The following TBC1D9 variants were observed in gnomAD, a reference collection of about 807,000 sequenced individuals.
TBC1D9 encodes the protein TBC1 domain family member 9A.
Under a neutral mutation model 132.0 loss-of-function variants are expected in TBC1D9, and 63 were observed. That is an observed-to-expected ratio of 0.48 (90% CI 0.39 to 0.59). TBC1D9 has a LOEUF of 0.59. Ranked by LOEUF, TBC1D9 falls within the 20% of genes least tolerant of loss-of-function variation. The probability of loss-of-function intolerance (pLI) is 0.00; values close to 1 mark genes in which losing one functional copy is unlikely to be tolerated. For missense variants in TBC1D9, 1,261 were observed against 1,592.7 expected (o/e 0.79, Z 3.54); for synonymous variants, 610 against 609.9 (o/e 1.00, Z 0.00).
chr4:140,707,178 TGTTA>T (rs1240916793), intron 1 of TBC1D9, among the ~76,000 whole-genome samples: 10 of 152,218 alleles, frequency 6.6e-5, no homozygotes, highest in Admixed American at 1.3e-4. Flanking sequence ...GGTACCTGTT[TGTTA>T]GTTAAATTTG....
chr4:140,756,148 C>T lies in TBC1D9; in HGVS notation c.-103G>A. On this transcript the variant is annotated 5_prime_UTR_variant, in exon 1 of 21. Transcript: ENST00000442267. This position sits in a 1 kb window ranked among gnomAD's most constrained non-coding sequence, Gnocchi z 5.6. ...TCCTGGGCACACGCGCGCCCGCCCG[C>T]CCGTCCGCTAGGTGCGGCGGCGGCG... 2 of 966,678 alleles carry T rather than the reference C, an allele frequency of 2.1e-6. No homozygotes were observed. The highest frequency in any genetic ancestry group is 1.7e-5 in the African/African-American group (1 of 58,546). 59.9% of individuals were successfully genotyped at this position (966,678 alleles called of 1,614,324 possible). A position where few individuals can be genotyped will look rare whatever the true frequency, so the allele number is the denominator to read the frequency against.
intron 15 of TBC1D9, 147 bp from the exon 16 acceptor site, chr4:140,634,335 C>G (rs1220016472): frequency 1.9e-6 from 2 of 1,074,410 alleles, no homozygotes; most frequent in African/African-American, 3.2e-5. Context: ...CCCTTGGTCT[C>G]TTAGTTCTAC....
chr4:140,648,229 C>T (rs1024786151), intron 13 of TBC1D9, among the ~76,000 whole-genome samples: 1 of 151,926 alleles, frequency 6.6e-6, no homozygotes, highest in African/African-American at 2.4e-5. Flanking sequence ...CACAATTATC[C>T]ATCTTTGTTT....
intron 1 of TBC1D9, among the ~76,000 whole-genome samples, chr4:140,742,058 C>T (rs1174867435): frequency 6.6e-6 from 1 of 152,098 alleles, no homozygotes; most frequent in Non-Finnish European, 1.5e-5. Flanking sequence ...ACTCAATGAC[C>T]CCGGGCACAT....
chr4:140,698,493 G>T (rs1022534787), intron 2 of TBC1D9, among the ~76,000 whole-genome samples: 1 of 152,174 alleles, frequency 6.6e-6, no homozygotes, highest in Non-Finnish European at 1.5e-5. Flanking sequence ...GCTCATGCCT[G>T]TAATCCCAGC....
At chr4:140,646,121 C>G (rs1165821136) in intron 13 of TBC1D9, among the ~76,000 whole-genome samples, 1 of 152,214 alleles carries the variant, frequency 6.6e-6, no homozygotes, top group African/African-American at 2.4e-5. Context: ...AAGTGCTCAA[C>G]AAATATTTGC....
chr4:140,689,407 T>G, intron 2 of TBC1D9, among the ~76,000 whole-genome samples: 1 of 139,212 alleles, frequency 7.2e-6, no homozygotes. Flanking sequence ...CCCGCTTCCC[T>G]TCCCTTCCCC....
chr4:140,659,820 A>G (rs548177855), intron 10 of TBC1D9, 115 bp from the exon 11 acceptor site: 3 of 684,418 alleles, frequency 4.4e-6, no homozygotes, highest in Middle Eastern at 2.5e-4. Context: ...TTCTGTGAAA[A>G]GCGAGATAAA....
chr4:140,691,954 A>G (rs896258258), intron 2 of TBC1D9, among the ~76,000 whole-genome samples: 1 of 152,230 alleles, frequency 6.6e-6, no homozygotes, highest in Non-Finnish European at 1.5e-5. Flanking sequence ...TCTGAGGATT[A>G]AGAACAAAGG....
chr4:140,643,241 C>A, intron 13 of TBC1D9: 1 of 1,310,104 alleles, frequency 7.6e-7, no homozygotes, highest in Non-Finnish European at 1.1e-6. Flanking sequence ...TGCTCCTCCT[C>A]TCCAGCTCCA....
chr4:140,659,631 C>T lies in TBC1D9; in HGVS notation c.1878G>A (p.Leu626=). Residue 626 remains leucine, a synonymous_variant, in exon 11 of 21, where the codon TTG becomes TTA. Transcript: ENST00000442267. ...AGTAATCTGGGAGCATGCGCTCACA[C>T]AAAGCCACAAGCAGCCAGAAAGCTT... The part of the protein sequence containing the change: ...EEEAFWLLVA[L]CERMLPDYYN... 3.1e-6 allele frequency: 5 copies of T among 1,606,544 alleles called. No individual in the cohort carries two copies. Among genetic ancestry groups the T allele is most frequent in the Non-Finnish European group, 4.2e-6 (5 of 1,176,572 alleles).
rs35813378 is a variant in TBC1D9 at position 140,641,090 on chromosome 4, C to CAAAAAAAAAAAAAAAA, written c.2338-1663_2338-1662insTTTTTTTTTTTTTTTT. On this transcript the variant is annotated intron_variant, in intron 13 of 20. Transcript: ENST00000442267. ...TAAATCTTACAATCATAATACTAAGCAAAAAAAAAAAAAACAAAAAAAAAC... is the reference window on the plus strand; with the variant it reads ...TAAATCTTACAATCATAATACTAAGCAAAAAAAAAAAAAAAAAAAAAAAAAAAAAACAAAAAAAAAC... Among the ~76,000 whole-genome samples, 146 of 34,966 alleles carry CAAAAAAAAAAAAAAAA rather than the reference C, an allele frequency of 4.2e-3. 5 individuals are homozygous for CAAAAAAAAAAAAAAAA. The highest frequency in any genetic ancestry group is 4.6e-3 in the Non-Finnish European group (93 of 20,160). 22.9% of individuals were successfully genotyped at this position (34,966 alleles called of 152,430 possible). A position where few individuals can be genotyped will look rare whatever the true frequency, so the allele number is the denominator to read the frequency against.
At position 140,676,839 on chromosome 4, in the gene TBC1D9, C is replaced by A. The variant is rs957022716; in HGVS notation, c.1059+55G>T. 1.0e-5 allele frequency: 16 copies of A among 1,591,972 alleles called. No homozygotes were observed. The Admixed American group carries it at 2.4e-4, about 24-fold the overall frequency. On this transcript the variant is annotated intron_variant, in intron 6 of 20. Coordinates refer to ENST00000442267, the MANE Select transcript of TBC1D9 (RefSeq NM_015130.3). ...TGGTAAAAAAATTATTCCTGGTTCACCCAGAAAAGTATTACAAATGAAACT... is the reference window on the plus strand; with the variant it reads ...TGGTAAAAAAATTATTCCTGGTTCAACCAGAAAAGTATTACAAATGAAACT...
At chr4:140,674,691 A>ATATT (rs1553969850) in intron 6 of TBC1D9, among the ~76,000 whole-genome samples, 44 of 144,992 alleles carry the variant, frequency 3.0e-4, no homozygotes, top group African/African-American at 1.1e-3. Context: ...ATATATATAT[A>ATATT]TTTTTTTTTA....
At chr4:140,696,508 G>A (rs1737961674) in intron 2 of TBC1D9, among the ~76,000 whole-genome samples, 1 of 140,150 alleles carries the variant, frequency 7.1e-6, no homozygotes, top group Non-Finnish European at 1.6e-5. Flanking sequence ...TGAAAATAAT[G>A]TCTCATCAAA....
At position 140,637,811 on chromosome 4, in the gene TBC1D9, C is replaced by T. The variant is rs533508698; in HGVS notation, c.2505+1275G>A. The stretch of plus-strand genomic sequence containing the variant: ...TTGATAATGCTGATGCTGCACCAAG[C>T]GCACCACCAACCAGCCTGGACACCC... On this transcript the variant is annotated intron_variant, in intron 15 of 20. Coordinates refer to ENST00000442267, the MANE Select transcript of TBC1D9 (RefSeq NM_015130.3). Among the ~76,000 whole-genome samples, 24 of 152,304 alleles carry T rather than the reference C, an allele frequency of 1.6e-4. No individual in the cohort carries two copies. In the East Asian group the frequency reaches 3.9e-3, roughly 24 times the overall value.
intron 13 of TBC1D9, among the ~76,000 whole-genome samples, chr4:140,654,242 G>A (rs536039551): frequency 2.2e-4 from 34 of 152,274 alleles, no homozygotes; most frequent in African/African-American, 7.5e-4. Flanking sequence ...GTCTGGGGTC[G>A]GGTTGTACAA....
At chr4:140,741,697 G>A (rs1481466601) in intron 1 of TBC1D9, among the ~76,000 whole-genome samples, 4 of 152,120 alleles carry the variant, frequency 2.6e-5, no homozygotes, top group East Asian at 1.9e-4. Context: ...TAGCCTAGGC[G>A]GCAGAGCCAG....
chr4:140,750,172 T>A lies in TBC1D9; in HGVS notation c.130+5744A>T, dbSNP rs546278122. Among the ~76,000 whole-genome samples the A allele has an allele frequency of 2.1e-3, 272 of 130,794 alleles. 2 individuals carry two copies. The highest frequency in any genetic ancestry group is 7.3e-3 in the African/African-American group (235 of 32,400). 85.8% of individuals were successfully genotyped at this position (130,794 alleles called of 152,430 possible). ...GAGAACAAAAATTAAAAAAAAAAAATTTTACAAAAATCACCATACTTAACA... is the reference window on the plus strand; with the variant it reads ...GAGAACAAAAATTAAAAAAAAAAAAATTTACAAAAATCACCATACTTAACA... On this transcript the variant is annotated intron_variant, in intron 1 of 20. Coordinates refer to ENST00000442267, the MANE Select transcript of TBC1D9 (RefSeq NM_015130.3).
Sources: gnomAD v4.1 joint callset for allele counts (sites outside exome capture counted in the v4.1 genomes callset) on GRCh38, gnomAD v4.1.1 for gene constraint, Gnocchi (gnomAD v3.1) non-coding constraint, MANE v1.5 for transcripts, NCBI Gene and HGNC (gene_info 2026-07-23, HGNC 2026-07-21) for gene names.